Variants in DPYD observed in about 807,000 individuals in gnomAD.
DPYD encodes dihydropyrimidine dehydrogenase [NADP(+)].
Under a neutral mutation model 116.2 loss-of-function variants are expected in DPYD, and 109 were observed. That is an observed-to-expected ratio of 0.94 (90% CI 0.80 to 1.10). The LOEUF is 1.10. Ranked by LOEUF, DPYD falls within the 50% of genes least tolerant of loss-of-function variation. DPYD has a pLI of 0.00. For synonymous variants in DPYD, 440 were observed against 432.0 expected, an observed-to-expected ratio of 1.02 and a Z score of -0.23; for missense variants, 1,302 against 1,254.5, an observed-to-expected ratio of 1.04 and a Z score of -0.57.
intron 13 of DPYD, among the ~76,000 whole-genome samples, chr1:97,477,745 C>G (rs1373737090): frequency 6.6e-6 from 1 of 151,486 alleles, no homozygotes; most frequent in East Asian, 1.9e-4. Flanking sequence ...CTCAGCCTCC[C>G]GAGTAGCTGG....
chr1:97,743,788 T>A (rs184629452), intron 3 of DPYD, among the ~76,000 whole-genome samples: 10 of 152,214 alleles, frequency 6.6e-5, no homozygotes, highest in Admixed American at 5.9e-4. Flanking sequence ...AAAAGTAACA[T>A]TTAAATTACA....
intron 20 of DPYD, among the ~76,000 whole-genome samples, chr1:97,152,876 T>C (rs984807264): frequency 6.6e-6 from 1 of 152,086 alleles, no homozygotes; most frequent in African/African-American, 2.4e-5. Flanking sequence ...CTTGTCTTAT[T>C]TTTATCTGTC....
chr1:97,416,103 T>C (rs72729904), intron 14 of DPYD, among the ~76,000 whole-genome samples: 14,749 of 152,206 alleles, frequency 0.097, 751 homozygotes, highest in South Asian at 0.14. Flanking sequence ...CCATTGATGT[T>C]TCAGTTCTCA....
chr1:97,487,742 A>C (rs1678729391), intron 13 of DPYD, among the ~76,000 whole-genome samples: 1 of 152,196 alleles, frequency 6.6e-6, no homozygotes, highest in South Asian at 2.1e-4. Flanking sequence ...CTGCTAAAAT[A>C]ATTTTTAAAA....
intron 20 of DPYD, among the ~76,000 whole-genome samples, chr1:97,156,710 T>G (rs828061): frequency 0.19 from 29,342 of 151,058 alleles, 2,905 homozygotes; most frequent in East Asian, 0.29. Context: ...TCAGTGTGGC[T>G]ATTCCTCAGG....
chr1:97,250,961 T>C (rs1238442924), intron 18 of DPYD, among the ~76,000 whole-genome samples: 3 of 152,202 alleles, frequency 2.0e-5, no homozygotes, highest in African/African-American at 4.8e-5. Flanking sequence ...TATGAATACA[T>C]AAATAAGAAG....
chr1:97,690,425 TTC>T (rs553778751), intron 7 of DPYD, among the ~76,000 whole-genome samples: 2 of 151,870 alleles, frequency 1.3e-5, no homozygotes, highest in Non-Finnish European at 2.9e-5. Flanking sequence ...AAAGCCTAAT[TTC>T]TTTTTTCATT....
chr1:97,619,512 A>T (rs1009665119), intron 8 of DPYD, among the ~76,000 whole-genome samples: 2 of 152,282 alleles, frequency 1.3e-5, no homozygotes, highest in African/African-American at 4.8e-5. Context: ...TGAAGGAATA[A>T]TCTGCTTTTC....
At chr1:97,108,871 C>T (rs1157311269) in intron 20 of DPYD, among the ~76,000 whole-genome samples, 2 of 151,926 alleles carry the variant, frequency 1.3e-5, no homozygotes, top group African/African-American at 2.4e-5. Flanking sequence ...CATGAAATTA[C>T]TAAAGAGGTA....
intron 21 of DPYD, among the ~76,000 whole-genome samples, chr1:97,092,114 C>T (rs952855965): frequency 6.6e-6 from 1 of 152,124 alleles, no homozygotes; most frequent in African/African-American, 2.4e-5. Flanking sequence ...TTCTCCTAAG[C>T]TTGTTCTATT....
At chr1:97,909,393 C>T (rs541843893) in intron 1 of DPYD, among the ~76,000 whole-genome samples, 35 of 152,096 alleles carry the variant, frequency 2.3e-4, no homozygotes, top group Non-Finnish European at 4.1e-4. Flanking sequence ...TGCAACTCTT[C>T]CCTTAATATA....
chr1:97,210,963 G>A (rs3897933), intron 19 of DPYD, among the ~76,000 whole-genome samples: 42,555 of 151,962 alleles, frequency 0.28, 6,101 homozygotes, highest in Admixed American at 0.32. Context: ...AATCAATCAT[G>A]GTCTCTCACT....
At chr1:97,894,905 A>G (rs1334680390) in intron 1 of DPYD, among the ~76,000 whole-genome samples, 1 of 151,908 alleles carries the variant, frequency 6.6e-6, no homozygotes, top group East Asian at 1.9e-4. Flanking sequence ...TATGTAGAAA[A>G]TGTGTAACTA....
chr1:97,692,037 G>T (rs1398644549), intron 6 of DPYD, among the ~76,000 whole-genome samples: 1 of 151,958 alleles, frequency 6.6e-6, no homozygotes, highest in African/African-American at 2.4e-5. Context: ...TACAGCAACA[G>T]AAAATGATAA....
At chr1:97,718,391 A>C (rs150539463) in intron 5 of DPYD, among the ~76,000 whole-genome samples, 57 of 152,088 alleles carry the variant, frequency 3.7e-4, no homozygotes, top group African/African-American at 1.4e-3. Context: ...AAATCTAAAT[A>C]TAAGTAAAGT....
At chr1:97,785,993 G>A (rs935916612) in intron 3 of DPYD, among the ~76,000 whole-genome samples, 2 of 150,868 alleles carry the variant, frequency 1.3e-5, no homozygotes, top group Admixed American at 1.3e-4. Flanking sequence ...ACGTCCGGCC[G>A]GGCCACTGAC....
intron 19 of DPYD, among the ~76,000 whole-genome samples, chr1:97,225,051 A>ATCTG (rs1557952108): frequency 3.0e-5 from 4 of 132,750 alleles, no homozygotes; most frequent in African/African-American, 1.1e-4. Context: ...CTATCTATCT[A>ATCTG]TCTATCTGTC....
At chr1:97,380,434 T>C (rs1224873068) in intron 15 of DPYD, among the ~76,000 whole-genome samples, 1 of 152,162 alleles carries the variant, frequency 6.6e-6, no homozygotes, top group Non-Finnish European at 1.5e-5. Context: ...CATGACAAAT[T>C]CAAACCAGGT....
chr1:97,174,339 G>C (rs1025355024), intron 20 of DPYD, among the ~76,000 whole-genome samples: 2 of 152,130 alleles, frequency 1.3e-5, no homozygotes, highest in Non-Finnish European at 2.9e-5. Flanking sequence ...TCTTTAAGAA[G>C]CAGCTTCTCC....
Sources: allele counts gnomAD v4.1 joint callset (sites outside exome capture counted in the v4.1 genomes callset), GRCh38; gene constraint gnomAD v4.1.1; transcripts MANE v1.5; gene names NCBI Gene and HGNC (gene_info 2026-07-23, HGNC 2026-07-21).